GPR63: variants seen among roughly 807,000 people sequenced by gnomAD.
GPR63 encodes probable G protein-coupled receptor 63.
A neutral mutation model predicts 23.1 loss-of-function variants in GPR63; 12 were observed. The ratio of observed to expected loss-of-function variants is 0.52; its 90% CI spans 0.33 to 0.84. GPR63 has a LOEUF of 0.84. Ranked by LOEUF, GPR63 falls within the 40% of genes least tolerant of loss-of-function variation. GPR63 has a pLI of 0.02. For synonymous variants in GPR63, 172 were observed against 191.1 expected (o/e 0.90, Z 0.82); for missense variants, 472 against 515.6 (o/e 0.92, Z 0.82).
chr6:96,826,053 G>A (rs569952422), intron 1 of GPR63, among the ~76,000 whole-genome samples: 1 of 152,094 alleles, frequency 6.6e-6, no homozygotes, highest in African/African-American at 2.4e-5. Context: ...TTACCAAGAT[G>A]TACCATTTCA....
chr6:96,822,379 G>T (rs966394849), intron 1 of GPR63, among the ~76,000 whole-genome samples: 1 of 152,090 alleles, frequency 6.6e-6, no homozygotes, highest in Non-Finnish European at 1.5e-5. Context: ...CGAAAAAAAG[G>T]TTCTAAAGGT....
rs1773713884 is a variant in GPR63 at position 96,799,780 on chromosome 6, G to A, written c.-49C>T. Reference sequence around the variant, plus strand: ...AAGCAGAGATGCAGGAGTTCTTCAAGCATTTCAACACAGAACAGCAGTATC... The same window carrying A: ...AAGCAGAGATGCAGGAGTTCTTCAAACATTTCAACACAGAACAGCAGTATC... On this transcript the variant is annotated 5_prime_UTR_variant, in exon 2 of 2. Transcript: ENST00000229955. The A allele has an allele frequency of 3.1e-6, 5 of 1,591,314 alleles. No homozygotes were observed. Among genetic ancestry groups the A allele is most frequent in the African/African-American group, 1.3e-5 (1 of 74,626 alleles).
At chr6:96,824,183 T>G (rs1392430652) in intron 1 of GPR63, among the ~76,000 whole-genome samples, 2 of 152,002 alleles carry the variant, frequency 1.3e-5, no homozygotes, top group Admixed American at 6.6e-5. Context: ...TCCTGGGGAA[T>G]AAGAGCAGAA....
intron 1 of GPR63, among the ~76,000 whole-genome samples, chr6:96,809,113 A>T (rs1235131665): frequency 6.6e-6 from 1 of 151,408 alleles, no homozygotes; most frequent in East Asian, 1.9e-4. Context: ...TTCAAAACCA[A>T]CCTCCCTTTC....
chr6:96,805,395 C>T (rs1210810761), intron 1 of GPR63, among the ~76,000 whole-genome samples: 1 of 152,172 alleles, frequency 6.6e-6, no homozygotes, highest in Non-Finnish European at 1.5e-5. Flanking sequence ...GAGGGATCCA[C>T]CCCATGACTC....
chr6:96,830,407 C>T (rs1490371144), intron 1 of GPR63, among the ~76,000 whole-genome samples: 1 of 152,148 alleles, frequency 6.6e-6, no homozygotes, highest in African/African-American at 2.4e-5. Context: ...TTACATTCCA[C>T]ACTGAAAATA....
At position 96,794,670 on chromosome 6, in the gene GPR63, A is replaced by C. The variant is rs1223293294; in HGVS notation, c.*3802T>G. ...TTGCATTGAACACAACTGGCAGAGC[A>C]ATAGGAATTAGATAAATCTTTACAT... On this transcript the variant is annotated 3_prime_UTR_variant, in exon 2 of 2. Transcript: ENST00000229955. 2.0e-5 allele frequency: 3 copies of C among 152,212 alleles called. No individual in the cohort carries two copies. Among genetic ancestry groups the C allele is most frequent in the African/African-American group, 4.8e-5 (2 of 41,450 alleles). The allele number at this position is 152,212 out of a possible 1,614,324, so 9.4% of individuals were successfully genotyped here. A position where few individuals can be genotyped will look rare whatever the true frequency, so the allele number is the denominator to read the frequency against.
chr6:96,803,175 C>T (rs987961885), intron 1 of GPR63, among the ~76,000 whole-genome samples: 3 of 152,190 alleles, frequency 2.0e-5, no homozygotes, highest in Admixed American at 6.5e-5. Context: ...TGCCATCCTG[C>T]TCTCAGACTG....
In GPR63 at chr6:96,799,030, T is replaced by C; in HGVS notation, c.702A>G (p.Thr234=). Residue 234 remains threonine, a synonymous_variant, in exon 2 of 2, where the codon ACA becomes ACG. Coordinates refer to ENST00000229955, the MANE Select transcript of GPR63 (RefSeq NM_030784.4). ...CATAAGCCTGGTAGCCTGGATTGGT[T>C]GTGTACCCAAACACACACTGGGGAG... ...SRAPQCVFGY[T]TNPGYQAYVI... is the part of the protein sequence containing the mutation. 6.2e-7 allele frequency: 1 copy of C among 1,614,144 alleles called. No homozygotes were observed. The highest frequency in any genetic ancestry group is 8.5e-7 in the Non-Finnish European group (1 of 1,180,030).
At chr6:96,831,936 A>T (rs1032894311) in intron 1 of GPR63, among the ~76,000 whole-genome samples, 40 of 151,792 alleles carry the variant, frequency 2.6e-4, no homozygotes, top group Admixed American at 1.4e-3. Context: ...ATAAATAAAA[A>T]TTTTTTAAAA....
At chr6:96,816,814 A>C (rs1003641582) in intron 1 of GPR63, among the ~76,000 whole-genome samples, 3 of 152,186 alleles carry the variant, frequency 2.0e-5, no homozygotes, top group African/African-American at 7.2e-5. Context: ...TTCTGGGTTC[A>C]TGGAAAGGTT....
At position 96,834,564 on chromosome 6, in the gene GPR63, T is replaced by C. The variant is rs9400351; in HGVS notation, c.-151+2704A>G. On this transcript the variant is annotated intron_variant, in intron 1 of 1. Coordinates refer to ENST00000229955, the MANE Select transcript of GPR63 (RefSeq NM_030784.4). Reference sequence around the variant, plus strand: ...CATCCTAAATATACATATGTCATAGTTGCAAAAAAAAAAAGGAAAAAGTGC... The same window carrying C: ...CATCCTAAATATACATATGTCATAGCTGCAAAAAAAAAAAGGAAAAAGTGC... Among the ~76,000 whole-genome samples, 275 of 146,576 alleles carry C rather than the reference T, an allele frequency of 1.9e-3. 2 individuals are homozygous for C. In the East Asian group the frequency reaches 0.051, roughly 27 times the overall value.
rs1268763708 is a variant in GPR63 at position 96,799,069 on chromosome 6, C to A, written c.663G>T (p.Gln221His). The change falls in exon 2 of 2, where the codon CAG (glutamine) becomes CAT (histidine). Residue 221 changes from glutamine (Q) to histidine (H), a missense_variant. Gln to His is a conservative substitution (Grantham distance 24, BLOSUM62 0). Coordinates refer to ENST00000229955, the MANE Select transcript of GPR63 (RefSeq NM_030784.4). The part of the protein sequence containing the change: ...FPLAVGNPDL[Q>H]IPSRAPQCVF... The stretch of plus-strand genomic sequence containing the variant: ...CACACTGGGGAGCTCGGGAAGGTAT[C>A]TGCAGGTCGGGGTTTCCTACGGCTA... 1 of 1,614,166 alleles carries A rather than the reference C, an allele frequency of 6.2e-7. No individual in the cohort carries two copies. Among genetic ancestry groups the A allele is most frequent in the Non-Finnish European group, 8.5e-7 (1 of 1,180,028 alleles).
At chr6:96,823,688 T>C (rs193150231) in intron 1 of GPR63, among the ~76,000 whole-genome samples, 2 of 152,244 alleles carry the variant, frequency 1.3e-5, no homozygotes, top group Non-Finnish European at 2.9e-5. Context: ...TACCACTCAC[T>C]CATTGACAGA....
chr6:96,805,631 G>A (rs1444415263), intron 1 of GPR63, among the ~76,000 whole-genome samples: 1 of 152,166 alleles, frequency 6.6e-6, no homozygotes, highest in Non-Finnish European at 1.5e-5. Flanking sequence ...TTGAAATGCT[G>A]AGTTAGAACA....
At chr6:96,825,556 G>A (rs1279808654) in intron 1 of GPR63, among the ~76,000 whole-genome samples, 5 of 151,994 alleles carry the variant, frequency 3.3e-5, no homozygotes, top group African/African-American at 4.8e-5. Context: ...CTAGATATGA[G>A]CAAAGATCTT....
chr6:96,798,818 T>A lies in GPR63; in HGVS notation c.914A>T (p.Asp305Val). The A allele has an allele frequency of 6.2e-7, 1 of 1,614,190 alleles. No homozygotes were observed. The highest frequency in any genetic ancestry group is 8.5e-7 in the Non-Finnish European group (1 of 1,180,034). ...SLQRPFQMSI[D>V]MGFKTRAFTT... ...GAAGGCACGTGTTTTAAAGCCCATGTCAATGCTCATCTGGAAAGGTCTCTG... is the reference window on the plus strand; with the variant it reads ...GAAGGCACGTGTTTTAAAGCCCATGACAATGCTCATCTGGAAAGGTCTCTG... Residue 305 changes from aspartate (D) to valine (V), a missense_variant, in exon 2 of 2, where the codon GAC (aspartate) becomes GTC (valine). Physicochemically the swap from Asp to Val is radical, Grantham distance 152. Transcript: ENST00000229955.
chr6:96,810,101 G>C (rs957242489), intron 1 of GPR63, among the ~76,000 whole-genome samples: 1 of 152,086 alleles, frequency 6.6e-6, no homozygotes, highest in Non-Finnish European at 1.5e-5. Context: ...AGAATTCTAC[G>C]TGATAAAAAC....
chr6:96,820,015 G>A (rs1774272944), intron 1 of GPR63, among the ~76,000 whole-genome samples: 1 of 147,184 alleles, frequency 6.8e-6, no homozygotes, highest in Non-Finnish European at 1.5e-5. Context: ...AAAAAAATTC[G>A]ACCAGTAGGA....
Sources: gnomAD v4.1 joint callset for allele counts (sites outside exome capture counted in the v4.1 genomes callset) on GRCh38, gnomAD v4.1.1 for gene constraint, MANE v1.5 for transcripts, NCBI Gene and HGNC (gene_info 2026-07-23, HGNC 2026-07-21) for gene names.